Variants in EYA2 observed in about 807,000 individuals in gnomAD.
EYA2 encodes protein phosphatase EYA2.
A neutral mutation model predicts 69.2 loss-of-function variants in EYA2; 31 were observed. The ratio of observed to expected loss-of-function variants is 0.45; its 90% CI spans 0.34 to 0.60. EYA2 has a LOEUF of 0.60. Ranked by LOEUF, EYA2 falls within the 20% of genes least tolerant of loss-of-function variation. The probability of loss-of-function intolerance (pLI) is 0.02; values close to 1 mark genes in which losing one functional copy is unlikely to be tolerated. For missense variants in EYA2, 622 were observed against 701.2 expected (o/e 0.89, Z 1.28); for synonymous variants, 257 against 279.4 (o/e 0.92, Z 0.80).
At chr20:46,956,219 AT>A in intron 1 of EYA2, among the ~76,000 whole-genome samples, 1 of 152,284 alleles carries the variant, frequency 6.6e-6, no homozygotes, top group South Asian at 2.1e-4. Context: ...TTAGCATCTG[AT>A]TTTTTGCCCA....
chr20:47,058,005 A>G (rs2030715756), intron 5 of EYA2, among the ~76,000 whole-genome samples: 2 of 152,382 alleles, frequency 1.3e-5, no homozygotes, highest in Admixed American at 6.5e-5. Flanking sequence ...TAAGTGCTCA[A>G]TAAATGGAGG....
intron 5 of EYA2, among the ~76,000 whole-genome samples, chr20:47,032,037 A>G (rs1432142360): frequency 4.6e-5 from 7 of 152,176 alleles, no homozygotes; most frequent in Non-Finnish European, 7.3e-5. Flanking sequence ...TAGGGGAAAT[A>G]CAGCCTCAGG....
chr20:47,041,247 A>G (rs531654644), intron 5 of EYA2, among the ~76,000 whole-genome samples: 1 of 152,244 alleles, frequency 6.6e-6, no homozygotes, highest in South Asian at 2.1e-4. Context: ...GGCAACTCCA[A>G]CCTGCCAGAA....
At chr20:47,154,847 G>A (rs2146619714) in intron 10 of EYA2, among the ~76,000 whole-genome samples, 1 of 151,274 alleles carries the variant, frequency 6.6e-6, no homozygotes, top group African/African-American at 2.4e-5. Context: ...GTGTGTGTGT[G>A]TGTGTGTGTG....
chr20:47,072,005 A>G, intron 5 of EYA2, 180 bp from the exon 6 acceptor site: 3 of 644,336 alleles, frequency 4.7e-6, no homozygotes, highest in Non-Finnish European at 8.4e-6. Flanking sequence ...AGTGTCAACA[A>G]GTCTCACCTG....
intron 10 of EYA2, among the ~76,000 whole-genome samples, chr20:47,152,999 G>GT: frequency 6.6e-6 from 1 of 151,690 alleles, no homozygotes; most frequent in East Asian, 2.0e-4. Context: ...GGAAAGCACT[G>GT]TTTGCTTTTA....
intron 7 of EYA2, 24 bp downstream of exon 7, chr20:47,074,359 C>T (rs2031432105): frequency 5.0e-6 from 8 of 1,610,440 alleles, no homozygotes; most frequent in Non-Finnish European, 6.8e-6. Context: ...CTGGTGGGGC[C>T]ATTCATGGCT....
At chr20:47,053,667 CAAAAA>C (rs1215223667) in intron 5 of EYA2, among the ~76,000 whole-genome samples, 4 of 66,808 alleles carry the variant, frequency 6.0e-5, no homozygotes, top group Middle Eastern at 8.6e-3. Context: ...GACCTTGTCT[CAAAAA>C]AAAAAAAAAA....
intron 7 of EYA2, among the ~76,000 whole-genome samples, chr20:47,083,554 G>A (rs2031792586): frequency 7.0e-6 from 1 of 142,296 alleles, no homozygotes; most frequent in Non-Finnish European, 1.5e-5. Context: ...CTGCAGCCTG[G>A]GTGACAGAGC....
rs770262572 is a variant in EYA2, at chr20:47,072,265, C to G, written c.483+13C>G. 11 of 1,605,478 alleles carry G rather than the reference C, an allele frequency of 6.9e-6. No individual in the cohort carries two copies. The highest frequency in any genetic ancestry group is 1.7e-5 in the Admixed American group (1 of 59,294). On this transcript the variant is annotated intron_variant, in intron 6 of 15. Transcript: ENST00000327619. ...GAGTGTGCACCAGGTAGACATGGCTCCCTCCCGATTCTTTCCTCAGTTCTT... is the reference window on the plus strand; with the variant it reads ...GAGTGTGCACCAGGTAGACATGGCTGCCTCCCGATTCTTTCCTCAGTTCTT...
intron 9 of EYA2, among the ~76,000 whole-genome samples, chr20:47,113,700 A>C (rs779163872): frequency 9.2e-5 from 14 of 152,124 alleles, no homozygotes; most frequent in Non-Finnish European, 1.6e-4. Context: ...CCAGGCTGAG[A>C]TTTCTCCAGA....
chr20:47,135,276 C>A lies in EYA2; in HGVS notation c.889-7783C>A, dbSNP rs1003572474. ...ATTATAACCTGCACTTTTACAAAAACGTATTTAATCTTTACAACAATCCTA... is the reference window on the plus strand; with the variant it reads ...ATTATAACCTGCACTTTTACAAAAAAGTATTTAATCTTTACAACAATCCTA... On this transcript the variant is annotated intron_variant, in intron 9 of 15. Transcript: ENST00000327619. Among the ~76,000 whole-genome samples, 5 of 151,442 alleles carry A rather than the reference C, an allele frequency of 3.3e-5. No homozygotes were observed. The South Asian group carries it at 6.3e-4, about 19-fold the overall frequency.
At position 47,056,915 on chromosome 20, in the gene EYA2, C is replaced by A. The variant is rs1414034559; in HGVS notation, c.416-15270C>A. ...AAAAACTTAGCTGGGTGTGGTGGTGCACACCTGTAGTCCCAGCTGCTTGGG... is the reference window on the plus strand; with the variant it reads ...AAAAACTTAGCTGGGTGTGGTGGTGAACACCTGTAGTCCCAGCTGCTTGGG... On this transcript the variant is annotated intron_variant, in intron 5 of 15. Transcript: ENST00000327619. 2.0e-5 allele frequency among the ~76,000 whole-genome samples: 3 copies of A among 151,934 alleles called. No individual in the cohort carries two copies. In the East Asian group the frequency reaches 5.8e-4, roughly 29 times the overall value.
intron 9 of EYA2, among the ~76,000 whole-genome samples, chr20:47,106,915 C>T (rs1020687565): frequency 3.9e-5 from 6 of 151,962 alleles, no homozygotes; most frequent in Admixed American, 1.3e-4. Flanking sequence ...TTCTTGTTGG[C>T]GGATACATCA....
intron 1 of EYA2, among the ~76,000 whole-genome samples, chr20:46,987,958 C>CTATATATA (rs1568707059): frequency 3.0e-5 from 1 of 33,782 alleles, no homozygotes; most frequent in Admixed American, 3.8e-4. Flanking sequence ...CTCTCTCTCT[C>CTATATATA]TCTCTCTATA....
At chr20:46,934,161 C>A (rs1985799795) in intron 1 of EYA2, among the ~76,000 whole-genome samples, 1 of 152,118 alleles carries the variant, frequency 6.6e-6, no homozygotes, top group Admixed American at 6.6e-5. Context: ...TGGCAATTGG[C>A]AGAAATGTCA....
intron 1 of EYA2, among the ~76,000 whole-genome samples, chr20:46,938,472 G>A (rs1316831439): frequency 6.6e-6 from 1 of 152,198 alleles, no homozygotes; most frequent in African/African-American, 2.4e-5. Flanking sequence ...TCCACTCAGG[G>A]TCTCTCATGA....
chr20:47,151,498 C>T (rs1045753046), intron 10 of EYA2, among the ~76,000 whole-genome samples: 4 of 151,796 alleles, frequency 2.6e-5, no homozygotes, highest in Non-Finnish European at 5.9e-5. Flanking sequence ...ATTCCTTGAA[C>T]ATCCATGCTC....
At chr20:47,019,063 C>G (rs2050314557) in intron 5 of EYA2, among the ~76,000 whole-genome samples, 2 of 152,214 alleles carry the variant, frequency 1.3e-5, no homozygotes, top group Admixed American at 6.5e-5. Flanking sequence ...CAAGGTCACA[C>G]GGCCATGGCA....
Sources: allele counts gnomAD v4.1 joint callset (sites outside exome capture counted in the v4.1 genomes callset), GRCh38; gene constraint gnomAD v4.1.1; transcripts MANE v1.5; gene names NCBI Gene and HGNC (gene_info 2026-07-23, HGNC 2026-07-21).